Variants in SPMIP5 observed in about 807,000 individuals in gnomAD.
SPMIP5 encodes sperm microtubule inner protein 5, also known as sperm-associated microtubule inner protein 5.
the SPMIP5 span, chr10:116,663,709 C>T: frequency 7.0e-6 from 4 of 574,716 alleles, no homozygotes; most frequent in Non-Finnish European, 1.2e-5. Context: ...GGAGAAGCAG[C>T]CTCTTTATTC....
chr10:116,663,236 G>C, the SPMIP5 span, among the ~76,000 whole-genome samples: 1 of 151,836 alleles, frequency 6.6e-6, no homozygotes, highest in African/African-American at 2.4e-5. Context: ...AGGCACCCAG[G>C]GGGCCTGGAG....
At chr10:116,666,446 A>G in the SPMIP5 span, among the ~76,000 whole-genome samples, 1 of 130,116 alleles carries the variant, frequency 7.7e-6, no homozygotes, top group Non-Finnish European at 1.7e-5. Flanking sequence ...ATATTGTCAC[A>G]ATAAAACCAT....
chr10:116,664,291 C>A, the SPMIP5 span: 2 of 1,533,802 alleles, frequency 1.3e-6, no homozygotes, highest in South Asian at 2.4e-5. Context: ...GAATAGAAGT[C>A]ACAAAGTTAT....
chr10:116,663,715 T>C, the SPMIP5 span: 17 of 606,150 alleles, frequency 2.8e-5, no homozygotes, highest in African/African-American at 2.8e-4. Flanking sequence ...GCAGCCTCTT[T>C]ATTCCCACAT....
the SPMIP5 span, chr10:116,664,584 C>A: frequency 5.6e-4 from 709 of 1,256,040 alleles, 3 homozygotes; most frequent in African/African-American, 9.6e-3. Flanking sequence ...AGGTTGGGAG[C>A]AGAGGGCACC....
chr10:116,662,874 G>T, the SPMIP5 span, among the ~76,000 whole-genome samples: 3 of 152,142 alleles, frequency 2.0e-5, no homozygotes, highest in Non-Finnish European at 4.4e-5. Flanking sequence ...CAGTGCGACT[G>T]GTGTCCTTGT....
chr10:116,663,960 G>T, the SPMIP5 span: 1 of 1,538,714 alleles, frequency 6.5e-7, no homozygotes, highest in Non-Finnish European at 8.7e-7. Flanking sequence ...TCTTCCCACT[G>T]CATGGTATAC....
At chr10:116,662,330 TG>T in the SPMIP5 span, among the ~76,000 whole-genome samples, 1 of 152,206 alleles carries the variant, frequency 6.6e-6, no homozygotes, top group Non-Finnish European at 1.5e-5. Flanking sequence ...TCCAGCTGTT[TG>T]CAGCCAGAGC....
the SPMIP5 span, among the ~76,000 whole-genome samples, chr10:116,669,156 C>G: frequency 1.3e-5 from 2 of 152,160 alleles, no homozygotes; most frequent in Non-Finnish European, 2.9e-5. Flanking sequence ...TCATTCCCCC[C>G]AAGTGGGCTG....
chr10:116,664,953 A>G, the SPMIP5 span: 1 of 1,608,954 alleles, frequency 6.2e-7, no homozygotes, highest in Non-Finnish European at 8.5e-7. Context: ...GCATTCTGTA[A>G]AAAGACACCA....
the SPMIP5 span, chr10:116,664,512 C>G: frequency 1.2e-6 from 1 of 841,772 alleles, no homozygotes; most frequent in East Asian, 2.9e-5. Context: ...GGTTTTTACT[C>G]CCATCCCCTC....
the SPMIP5 span, chr10:116,664,735 G>T: frequency 2.5e-6 from 4 of 1,607,482 alleles, no homozygotes; most frequent in Admixed American, 6.7e-5. Flanking sequence ...CCTTGTGCCT[G>T]GGGTACGGAC....
At chr10:116,668,047 GT>G in the SPMIP5 span, among the ~76,000 whole-genome samples, 1 of 152,220 alleles carries the variant, frequency 6.6e-6, no homozygotes, top group African/African-American at 2.4e-5. Context: ...ACCAGGCCAT[GT>G]TCTGGGACGT....
At chr10:116,668,970 C>CACACACACACAA in the SPMIP5 span, among the ~76,000 whole-genome samples, 1 of 143,312 alleles carries the variant, frequency 7.0e-6, no homozygotes, top group Non-Finnish European at 1.5e-5. Context: ...CACACACACA[C>CACACACACACAA]AAACAAGGGA....
chr10:116,664,245 G>A, the SPMIP5 span: 1 of 1,608,634 alleles, frequency 6.2e-7, no homozygotes, highest in South Asian at 1.1e-5. Context: ...CGGAGCAGAA[G>A]TTTTTGTGGA....
chr10:116,669,681 GCA>G, the SPMIP5 span, among the ~76,000 whole-genome samples: 260 of 152,254 alleles, frequency 1.7e-3, no homozygotes, highest in African/African-American at 6.0e-3. Flanking sequence ...GAAAAATAAG[GCA>G]CAGAGAGGTT....
the SPMIP5 span, chr10:116,664,886 C>CA: frequency 6.2e-7 from 1 of 1,614,060 alleles, no homozygotes; most frequent in Admixed American, 1.7e-5. Context: ...TGGCTCTCGG[C>CA]AGGTAGCCTG....
chr10:116,668,166 T>G, the SPMIP5 span: 1 of 1,278,914 alleles, frequency 7.8e-7, no homozygotes, highest in Non-Finnish European at 1.1e-6. Context: ...TCCAGTTGGC[T>G]GCACAGACAC....
chr10:116,665,790 T>C, the SPMIP5 span: 1 of 1,613,928 alleles, frequency 6.2e-7, no homozygotes, highest in South Asian at 1.1e-5. Context: ...GTCATCCTCC[T>C]TGGACATTCC....
Sources: allele counts gnomAD v4.1 joint callset (sites outside exome capture counted in the v4.1 genomes callset), GRCh38; gene constraint gnomAD v4.1.1; transcripts MANE v1.5; gene names NCBI Gene and HGNC (gene_info 2026-07-23, HGNC 2026-07-21).